The following MMUT variants were observed in gnomAD, a reference collection of about 807,000 sequenced individuals.
The protein encoded by MMUT is methylmalonyl-CoA mutase, mitochondrial.
MMUT carries 79 observed loss-of-function variants against 79.9 expected under a neutral mutation model. That is an observed-to-expected ratio of 0.99 (90% CI 0.82 to 1.19). The LOEUF is 1.19. MMUT is among the 50% of genes most tolerant of loss of function. The pLI is 0.00. For missense variants in MMUT, 860 were observed against 917.2 expected (o/e 0.94, Z 0.81); for synonymous variants, 273 against 295.7 (o/e 0.92, Z 0.79).
At chr6:49,441,069 AT>A (rs761342175) in intron 10 of MMUT, among the ~76,000 whole-genome samples, 8 of 152,174 alleles carry the variant, frequency 5.3e-5, no homozygotes, top group Non-Finnish European at 1.0e-4. Context: ...AAAAAGTTCC[AT>A]TTTGATGACT....
rs547413187 is a variant in MMUT, at chr6:49,440,067, C to T, written c.1956+139G>A. On this transcript the variant is annotated intron_variant, in intron 11 of 12. Coordinates refer to ENST00000274813, the MANE Select transcript of MMUT (RefSeq NM_000255.4). ...TTATGGGCAGGAATGGAGAGAAAGG[C>T]ATTTGCCAAGTCAGTGGCTACATAC... is the stretch of plus-strand genomic sequence containing the variant. 3.5e-5 allele frequency: 40 copies of T among 1,152,704 alleles called. No homozygotes were observed. The African/African-American group carries it at 5.6e-4, about 16-fold the overall frequency. 71.4% of individuals were successfully genotyped at this position (1,152,704 alleles called of 1,614,324 possible). A position where few individuals can be genotyped will look rare whatever the true frequency, so the allele number is the denominator to read the frequency against.
chr6:49,457,689 A>T lies in MMUT; in HGVS notation c.753+2T>A, dbSNP rs796052006. The T allele has an allele frequency of 5.0e-6, 8 of 1,608,426 alleles. No individual in the cohort carries two copies. Among genetic ancestry groups the T allele is most frequent in the Non-Finnish European group, 6.8e-6 (8 of 1,177,956 alleles). On this transcript the variant is annotated splice_donor_variant, in intron 3 of 12. Transcript: ENST00000274813. LOFTEE classifies it high-confidence loss of function. ...AAAACCTATAATAACCACAAAGTAT[A>T]CCTTTGCTGTATATTCAAATATGTC...
chr6:49,448,964 A>G, intron 6 of MMUT, 37 bp from the exon 7 acceptor site: 1 of 1,341,212 alleles, frequency 7.5e-7, no homozygotes, highest in African/African-American at 1.4e-5. Context: ...AAAAGAGAAT[A>G]TTAAAAATGT....
At chr6:49,438,804 C>CA (rs1767198709) in intron 11 of MMUT, among the ~76,000 whole-genome samples, 1 of 151,722 alleles carries the variant, frequency 6.6e-6, no homozygotes, top group Admixed American at 6.6e-5. Context: ...TATAAGCAGG[C>CA]AAAAAAATGT....
rs1365610271 is a variant in MMUT, at chr6:49,431,418, T to G, written c.*310A>C. 5.3e-6 allele frequency: 1 copy of G among 187,908 alleles called. No individual in the cohort carries two copies. The highest frequency in any genetic ancestry group is 1.1e-5 in the Non-Finnish European group (1 of 90,274). The allele number at this position is 187,908 out of a possible 1,614,324, so 11.6% of individuals were successfully genotyped here. A position where few individuals can be genotyped will look rare whatever the true frequency, so the allele number is the denominator to read the frequency against. ...TTCTTAATATAAAAAGTAAACAGAT[T>G]TATAAGAAACATTCTAATAAATACA... On this transcript the variant is annotated 3_prime_UTR_variant, in exon 13 of 13. Coordinates refer to ENST00000274813, the MANE Select transcript of MMUT (RefSeq NM_000255.4).
At position 49,435,584 on chromosome 6, in the gene MMUT, C is replaced by T. The variant is rs776430285; in HGVS notation, c.1996G>A (p.Val666Met). The T allele has an allele frequency of 1.2e-6, 2 of 1,613,996 alleles. No homozygotes were observed. The highest frequency in any genetic ancestry group is 1.1e-5 in the South Asian group (1 of 91,048). ...AGGGTGCTTATGCCCACAGCATGCA[C>T]ATCCGCATCCACAGCCTGCTGGGCC... Reference protein sequence around the residue: ...EVAQQAVDADVHAVGISTLAA... With the variant: ...EVAQQAVDADMHAVGISTLAA... Residue 666 changes from valine to methionine, a missense_variant, in exon 12 of 13, where the codon GTG (valine) becomes ATG (methionine). Physicochemically the swap from Val to Met is conservative, Grantham distance 21. Coordinates refer to ENST00000274813, the MANE Select transcript of MMUT (RefSeq NM_000255.4).
At chr6:49,458,959 T>A (rs1767762616) in intron 2 of MMUT, 123 bp downstream of exon 2, 1 of 996,748 alleles carries the variant, frequency 1.0e-6, no homozygotes, top group Non-Finnish European at 1.4e-6. Flanking sequence ...TTTTTCAGAG[T>A]ATAGTCTTTA....
At chr6:49,457,059 G>A (rs976121538) in intron 3 of MMUT, among the ~76,000 whole-genome samples, 2 of 152,208 alleles carry the variant, frequency 1.3e-5, no homozygotes, top group Non-Finnish European at 2.9e-5. Context: ...AGATAAAAAG[G>A]GTTGATGACG....
rs1462242022 is a variant in MMUT at position 49,431,528 on chromosome 6, T to TC, written c.*199_*200insG. 1.8e-5 allele frequency: 7 copies of TC among 381,574 alleles called. No homozygotes were observed. The highest frequency in any genetic ancestry group is 4.7e-5 in the Admixed American group (1 of 21,108). The allele number at this position is 381,574 out of a possible 1,614,324, so 23.6% of individuals were successfully genotyped here. A position where few individuals can be genotyped will look rare whatever the true frequency, so the allele number is the denominator to read the frequency against. ...GAGAGTATAGAGAGTTTTTAGGGATTTTTTTTTTATTTTTGAAGTGAAACT... is the reference window on the plus strand; with the variant it reads ...GAGAGTATAGAGAGTTTTTAGGGATTCTTTTTTTTATTTTTGAAGTGAAACT... On this transcript the variant is annotated 3_prime_UTR_variant, in exon 13 of 13. Coordinates refer to ENST00000274813, the MANE Select transcript of MMUT (RefSeq NM_000255.4).
intron 3 of MMUT, among the ~76,000 whole-genome samples, chr6:49,457,085 T>C (rs974658311): frequency 6.6e-6 from 1 of 152,208 alleles, no homozygotes; most frequent in African/African-American, 2.4e-5. Context: ...CTCTGTGCCA[T>C]GAAATAATGA....
At chr6:49,445,019 C>A (rs925528286) in intron 8 of MMUT, among the ~76,000 whole-genome samples, 3 of 150,482 alleles carry the variant, frequency 2.0e-5, no homozygotes, top group African/African-American at 7.3e-5. Context: ...ATAGTGCTGA[C>A]CTTCCCAAGT....
At chr6:49,446,737 C>T (rs1767418793) in intron 8 of MMUT, among the ~76,000 whole-genome samples, 2 of 151,536 alleles carry the variant, frequency 1.3e-5, no homozygotes, top group South Asian at 4.2e-4. Context: ...CTCTGTTGCC[C>T]AAAATAAGGC....
intron 1 of MMUT, among the ~76,000 whole-genome samples, chr6:49,460,183 C>T (rs183175025): frequency 3.9e-5 from 6 of 152,310 alleles, no homozygotes; most frequent in African/African-American, 7.2e-5. Flanking sequence ...CAATTTGCAG[C>T]GTTTCTATGT....
chr6:49,457,972 C>G lies in MMUT; in HGVS notation c.472G>C (p.Gly158Arg). The G allele has an allele frequency of 6.2e-7, 1 of 1,609,618 alleles. No individual in the cohort carries two copies. Among genetic ancestry groups the G allele is most frequent in the Non-Finnish European group, 8.5e-7 (1 of 1,179,934 alleles). Residue 158 changes from glycine (G) to arginine (R), a missense_variant, in exon 3 of 13, where the codon GGA (glycine) becomes CGA (arginine). By Grantham distance (125) the Gly-to-Arg change is moderately radical (BLOSUM62 -2). Coordinates refer to ENST00000274813, the MANE Select transcript of MMUT (RefSeq NM_000255.4). ...GTGTCAATAGCAACTCCAGCCATTC[C>G]AACATCACCACGAACTCGAGGGTTG... ...SDNPRVRGDV[G>R]MAGVAIDTVE...
intron 11 of MMUT, among the ~76,000 whole-genome samples, chr6:49,436,493 T>C (rs1767132278): frequency 1.3e-5 from 2 of 151,304 alleles, no homozygotes; most frequent in Admixed American, 1.3e-4. Context: ...TAGTACCAGA[T>C]ACTCATATGG....
chr6:49,453,059 TAGACGTAG>T (rs1561957165), intron 5 of MMUT, among the ~76,000 whole-genome samples: 8 of 138,982 alleles, frequency 5.8e-5, no homozygotes, highest in Non-Finnish European at 4.7e-5. Context: ...TTTTTTTTTT[TAGACGTAG>T]TTGTGCTCTT....
chr6:49,458,082 G>GT, intron 2 of MMUT, 24 bp from the exon 3 acceptor site: 1 of 1,596,824 alleles, frequency 6.3e-7, no homozygotes, highest in African/African-American at 1.3e-5. Context: ...GAAAAATAAT[G>GT]TAAGATTCAA....
Position 49,463,244 on chromosome 6 carries a change from G to A in MMUT, c.-181C>T, listed in dbSNP as rs992622060. 1 of 152,484 alleles carries A rather than the reference G, an allele frequency of 6.6e-6. No homozygotes were observed. The highest frequency in any genetic ancestry group is 1.5e-5 in the Non-Finnish European group (1 of 68,184). The allele number at this position is 152,484 out of a possible 1,614,324, so 9.4% of individuals were successfully genotyped here. A position where few individuals can be genotyped will look rare whatever the true frequency, so the allele number is the denominator to read the frequency against. On this transcript the variant is annotated 5_prime_UTR_variant, in exon 1 of 13. Transcript: ENST00000274813. ...AACCGCGCCACCGCCAGCGTCAGCC[G>A]GACGACTCTGGGGGCGTAGGCCGAC...
Position 49,442,954 on chromosome 6 carries a change from T to A in MMUT, c.1677-983A>T, listed in dbSNP as rs190273234. ...TTTAATAAAAGTCATCTAATTTTTT[T>A]AATGAAATTAGTAGTAGAAAAAAAC... On this transcript the variant is annotated intron_variant, in intron 9 of 12. Coordinates refer to ENST00000274813, the MANE Select transcript of MMUT (RefSeq NM_000255.4). Among the ~76,000 whole-genome samples, 172 of 152,236 alleles carry A rather than the reference T, an allele frequency of 1.1e-3. 1 individual carries two copies. Among genetic ancestry groups the A allele is most frequent in the Non-Finnish European group, 8.7e-4 (59 of 67,988 alleles).
Sources: allele counts gnomAD v4.1 joint callset (sites outside exome capture counted in the v4.1 genomes callset), GRCh38; gene constraint gnomAD v4.1.1; transcripts MANE v1.5; gene names NCBI Gene and HGNC (gene_info 2026-07-23, HGNC 2026-07-21).